Variants in GRIK4 observed in about 807,000 individuals in gnomAD.
GRIK4 encodes the protein glutamate receptor ionotropic, kainate 4.
Under a neutral mutation model 104.9 loss-of-function variants are expected in GRIK4, and 40 were observed. That is an observed-to-expected ratio of 0.38 (90% CI 0.30 to 0.50). The LOEUF (loss-of-function observed/expected upper bound fraction) is 0.50, where lower values mean the gene tolerates loss of function less well. GRIK4 is among the 20% of genes least tolerant of loss of function. GRIK4 has a pLI of 0.93. For missense variants in GRIK4, 1,047 were observed against 1,308.1 expected (o/e 0.80, Z 3.08); for synonymous variants, 485 against 524.9 (o/e 0.92, Z 1.04).
At chr11:120,515,456 C>T (rs762748152) in intron 1 of GRIK4, among the ~76,000 whole-genome samples, 28 of 152,296 alleles carry the variant, frequency 1.8e-4, no homozygotes, top group Admixed American at 1.6e-3. Flanking sequence ...GAGTGTGACT[C>T]GTCCAGTGTG....
At chr11:120,856,062 G>A (rs548548236) in intron 8 of GRIK4, among the ~76,000 whole-genome samples, 9 of 152,340 alleles carry the variant, frequency 5.9e-5, no homozygotes, top group South Asian at 2.1e-4. Flanking sequence ...CCGGCAGCAC[G>A]GAGGATGGAT....
chr11:120,700,247 A>G (rs1027501389), intron 3 of GRIK4, among the ~76,000 whole-genome samples: 1 of 150,280 alleles, frequency 6.7e-6, no homozygotes, highest in Non-Finnish European at 1.5e-5. Flanking sequence ...CAAAGTTCCT[A>G]TAAGATTATA....
chr11:120,736,420 G>A (rs117353606), intron 3 of GRIK4, among the ~76,000 whole-genome samples: 386 of 145,216 alleles, frequency 2.7e-3, no homozygotes, highest in Non-Finnish European at 4.9e-3. Context: ...GCACTCCCTT[G>A]GTCACTTCGA....
intron 13 of GRIK4, among the ~76,000 whole-genome samples, chr11:120,938,050 C>A (rs886943620): frequency 6.6e-6 from 1 of 152,046 alleles, no homozygotes; most frequent in African/African-American, 2.4e-5. Flanking sequence ...TCTAATCTTG[C>A]CATCTTTCCT....
intron 3 of GRIK4, among the ~76,000 whole-genome samples, chr11:120,662,314 G>C (rs1323687991): frequency 1.3e-5 from 2 of 152,176 alleles, no homozygotes; most frequent in African/African-American, 2.4e-5. Context: ...TCCAGCCAGG[G>C]GCCCTGCTGG....
intron 3 of GRIK4, among the ~76,000 whole-genome samples, chr11:120,753,319 G>GTA (rs746168011): frequency 0.12 from 17,341 of 147,528 alleles, 1,410 homozygotes; most frequent in African/African-American, 0.24. Flanking sequence ...GTGTGTGTGT[G>GTA]TGTGTGTGTG....
Position 120,524,397 on chromosome 11 carries a change from C to T in GRIK4, c.-159+12510C>T, listed in dbSNP as rs1235796900. 6.6e-6 allele frequency among the ~76,000 whole-genome samples: 1 copy of T among 152,138 alleles called. No homozygotes were observed. Among genetic ancestry groups the T allele is most frequent in the African/African-American group, 2.4e-5 (1 of 41,428 alleles). ...GCTTGGATGGGCCGCCTTCGACTCG[C>T]AGATGTATGGGATTGAAAAGTCAAT... On this transcript the variant is annotated intron_variant, in intron 1 of 20. Transcript: ENST00000527524. This position sits in a 1 kb window ranked among gnomAD's most constrained non-coding sequence, Gnocchi z 4.5.
At chr11:120,586,084 C>T (rs945695574) in intron 1 of GRIK4, among the ~76,000 whole-genome samples, 1 of 152,114 alleles carries the variant, frequency 6.6e-6, no homozygotes, top group African/African-American at 2.4e-5. Context: ...AAAGCATTGG[C>T]ATACACAGAC....
chr11:120,917,964 A>G (rs1592078721), intron 13 of GRIK4, among the ~76,000 whole-genome samples: 1 of 152,366 alleles, frequency 6.6e-6, no homozygotes, highest in South Asian at 2.1e-4. Flanking sequence ...CAGAAGAGAC[A>G]GGTGGTAGGG....
intron 3 of GRIK4, among the ~76,000 whole-genome samples, chr11:120,711,018 T>C (rs1950725900): frequency 6.9e-6 from 1 of 144,722 alleles, no homozygotes; most frequent in Non-Finnish European, 1.5e-5. Context: ...TGTGAGCAGC[T>C]GCAGGGCCCT....
intron 1 of GRIK4, among the ~76,000 whole-genome samples, chr11:120,603,431 TA>T (rs1328769470): frequency 6.6e-6 from 1 of 152,240 alleles, no homozygotes; most frequent in Non-Finnish European, 1.5e-5. Context: ...CAGGGCTTTT[TA>T]TTTCTGCAGT....
intron 6 of GRIK4, among the ~76,000 whole-genome samples, chr11:120,825,218 G>T (rs531307446): frequency 2.0e-5 from 3 of 152,130 alleles, no homozygotes; most frequent in Non-Finnish European, 2.9e-5. Flanking sequence ...GAACCACCGC[G>T]CCTGGCCTCT....
chr11:120,905,539 G>GGGGGGGGTGGC lies in GRIK4; in HGVS notation c.1476+46_1476+47insGGGGGGGTGGC. On this transcript the variant is annotated intron_variant, in intron 13 of 20. Transcript: ENST00000527524. The surrounding 1 kb of genome is among the most constrained non-coding windows in gnomAD (Gnocchi z 5.1). Reference sequence around the variant, plus strand: ...CTGGGCCTGAGGGTGGGCTGGGAGGGATTGGAAGAGCATGAGGTTGTGCTG... The same window carrying GGGGGGGGTGGC: ...CTGGGCCTGAGGGTGGGCTGGGAGGGGGGGGGGTGGCATTGGAAGAGCATGAGGTTGTGCTG... 2.0e-6 allele frequency: 1 copy of GGGGGGGGTGGC among 503,046 alleles called. No homozygotes were observed. The allele number at this position is 503,046 out of a possible 1,614,324, so 31.2% of individuals were successfully genotyped here.
At chr11:120,579,415 G>A (rs1275272677) in intron 1 of GRIK4, among the ~76,000 whole-genome samples, 2 of 152,164 alleles carry the variant, frequency 1.3e-5, no homozygotes, top group East Asian at 3.9e-4. Context: ...CAGGGTGAGT[G>A]TCTTCGAGAG....
At chr11:120,597,421 C>T (rs1193907360) in intron 1 of GRIK4, among the ~76,000 whole-genome samples, 2 of 152,186 alleles carry the variant, frequency 1.3e-5, no homozygotes, top group Non-Finnish European at 2.9e-5. Flanking sequence ...CCTCTCCTTC[C>T]TCTCCCTCCT....
At position 120,986,181 on chromosome 11, in the gene GRIK4, T is replaced by A; in HGVS notation, c.2792T>A (p.Leu931Gln). The A allele has an allele frequency of 6.4e-7, 1 of 1,560,444 alleles. No individual in the cohort carries two copies. The highest frequency in any genetic ancestry group is 8.6e-7 in the Non-Finnish European group (1 of 1,162,920). Residue 931 changes from leucine to glutamine, a missense_variant, in exon 21 of 21, where the codon CTG becomes CAG. Coordinates refer to ENST00000527524, the MANE Select transcript of GRIK4 (RefSeq NM_014619.5). ...CCCGAGTGCCGCCGCTTCCAGGGCC[T>A]GCGGGCACGGCCGTCGCCCGCCCGC... ...VCPECRRFQGLRARPSPARSE... is the reference protein window; with the variant it reads ...VCPECRRFQGQRARPSPARSE...
intron 1 of GRIK4, among the ~76,000 whole-genome samples, chr11:120,609,516 C>CTTTTT (rs58736481): frequency 7.0e-5 from 4 of 57,160 alleles, no homozygotes; most frequent in Non-Finnish European, 9.1e-5. Context: ...TTTGCAGTTG[C>CTTTTT]TTTTTTTTTT....
At position 120,585,731 on chromosome 11, in the gene GRIK4, T is replaced by G. The variant is rs375923931; in HGVS notation, c.-158-67954T>G. ...AAGTTCTTTTTTTGTTTTTGTTTTT[T>G]TTTTTTGCAAATGGGTATCCAATCA... On this transcript the variant is annotated intron_variant, in intron 1 of 20. Coordinates refer to ENST00000527524, the MANE Select transcript of GRIK4 (RefSeq NM_014619.5). Among the ~76,000 whole-genome samples the G allele has an allele frequency of 2.0e-3, 311 of 151,824 alleles. 2 individuals are homozygous for G. The highest frequency in any genetic ancestry group is 7.1e-3 in the African/African-American group (296 of 41,498).
chr11:120,660,457 G>C (rs1220884802), intron 3 of GRIK4, 57 bp downstream of exon 3: 1 of 1,338,860 alleles, frequency 7.5e-7, no homozygotes, highest in African/African-American at 1.4e-5. Flanking sequence ...GTGTCCACAA[G>C]GGACATGAGA....
Sources: allele counts gnomAD v4.1 joint callset (sites outside exome capture counted in the v4.1 genomes callset), GRCh38; gene constraint gnomAD v4.1.1; non-coding constraint Gnocchi (gnomAD v3.1); transcripts MANE v1.5; gene names NCBI Gene and HGNC (gene_info 2026-07-23, HGNC 2026-07-21).